Variants in EXOC2 observed in about 807,000 individuals in gnomAD.
EXOC2 encodes SEC5-like 1.
In EXOC2, 70 loss-of-function variants were observed where a neutral mutation model predicts 131.8. That is an observed-to-expected ratio of 0.53 (90% CI 0.44 to 0.65). The LOEUF is 0.65. EXOC2 is among the 30% of genes least tolerant of loss of function. The pLI, the probability that EXOC2 is intolerant of heterozygous loss-of-function variation, is 0.00. For missense variants in EXOC2, 923 were observed against 1,108.6 expected (o/e 0.83, Z 2.38); for synonymous variants, 411 against 398.4 (o/e 1.03, Z -0.38).
intron 6 of EXOC2, among the ~76,000 whole-genome samples, chr6:614,381 ACT>A (rs1760877951): frequency 6.6e-6 from 1 of 152,200 alleles, no homozygotes; most frequent in Admixed American, 6.5e-5. Flanking sequence ...TGTGTCACGG[ACT>A]GTTACCAGGA....
At chr6:656,665 C>T (rs1208544950) in intron 1 of EXOC2, 1 of 1,606,672 alleles carries the variant, frequency 6.2e-7, no homozygotes. Flanking sequence ...GCGCCCGCTG[C>T]GCTTCTCGCC....
intron 11 of EXOC2, among the ~76,000 whole-genome samples, chr6:587,486 C>T (rs932315516): frequency 2.0e-5 from 3 of 152,284 alleles, no homozygotes; most frequent in Non-Finnish European, 2.9e-5. Context: ...CCTCATGGTC[C>T]GCCAGCCTCA....
At chr6:535,226 C>T (rs1365592147) in intron 22 of EXOC2, among the ~76,000 whole-genome samples, 2 of 152,076 alleles carry the variant, frequency 1.3e-5, no homozygotes, top group East Asian at 3.9e-4. Flanking sequence ...ATTAGCCAGG[C>T]ATGGTGGTGC....
rs140872286 is a variant in EXOC2, at chr6:592,699, T to C, written c.1074-112A>G. On this transcript the variant is annotated intron_variant, in intron 10 of 27. Coordinates refer to ENST00000230449, the MANE Select transcript of EXOC2 (RefSeq NM_018303.6). ...ATTAGTCTTGTGCCCTGTCAAATAT[T>C]AGTCTTTAATATTTAATTCTCAATG... 65 of 695,150 alleles carry C rather than the reference T, an allele frequency of 9.4e-5. No homozygotes were observed. In the Middle Eastern group the frequency reaches 1.5e-3, roughly 16 times the overall value. 43.1% of individuals were successfully genotyped at this position (695,150 alleles called of 1,614,324 possible).
intron 1 of EXOC2, among the ~76,000 whole-genome samples, chr6:653,247 A>C (rs1762913275): frequency 6.6e-6 from 1 of 152,212 alleles, no homozygotes; most frequent in African/African-American, 2.4e-5. Flanking sequence ...CAAGTCTCTC[A>C]CTGTAAATCA....
chr6:672,843 T>C (rs1435715598), intron 1 of EXOC2, among the ~76,000 whole-genome samples: 1 of 148,810 alleles, frequency 6.7e-6, no homozygotes. Flanking sequence ...GAGCTTTGTT[T>C]TCAATATTTA....
intron 1 of EXOC2, among the ~76,000 whole-genome samples, chr6:660,960 A>G (rs149333039): frequency 0.01 from 1,598 of 152,328 alleles, 28 homozygotes; most frequent in African/African-American, 0.036. Flanking sequence ...AAGAAAAAAC[A>G]ATCAAAAATT....
chr6:602,562 C>T (rs1399763455), intron 7 of EXOC2, among the ~76,000 whole-genome samples: 1 of 152,204 alleles, frequency 6.6e-6, no homozygotes, highest in African/African-American at 2.4e-5. Flanking sequence ...AGTGTCCAAC[C>T]ACAGAACAAG....
chr6:656,132 AAG>A (rs1241997167), intron 1 of EXOC2: 3 of 1,611,918 alleles, frequency 1.9e-6, no homozygotes, highest in Non-Finnish European at 2.5e-6. Flanking sequence ...TGAAATACTG[AAG>A]AGAGACATCT....
intron 4 of EXOC2, among the ~76,000 whole-genome samples, chr6:620,798 A>G (rs928776911): frequency 6.6e-6 from 1 of 152,016 alleles, no homozygotes; most frequent in African/African-American, 2.4e-5. Context: ...CGTTTGGGGG[A>G]AAAATGGCAG....
At chr6:665,567 G>A (rs1481463236) in intron 1 of EXOC2, among the ~76,000 whole-genome samples, 1 of 152,016 alleles carries the variant, frequency 6.6e-6, no homozygotes, top group Non-Finnish European at 1.5e-5. Flanking sequence ...AAGAAACTGT[G>A]GTATATATAT....
In EXOC2 at chr6:564,688, T is replaced by A. The variant is rs1757877585; in HGVS notation, c.1524A>T (p.Glu508Asp). Reference protein sequence around the residue: ...RQNDFKKMIQEVMHSLVKLTR... With the variant: ...RQNDFKKMIQDVMHSLVKLTR... ...TAAGCTTCACCAGGGAGTGCATTACTTCCTGAATCATTTTCTAGAAAACCA... is the reference window on the plus strand; with the variant it reads ...TAAGCTTCACCAGGGAGTGCATTACATCCTGAATCATTTTCTAGAAAACCA... Residue 508 changes from glutamate to aspartate, a missense_variant, in exon 15 of 28, where the codon GAA (glutamate) becomes GAT (aspartate). Transcript: ENST00000230449. 1.9e-6 allele frequency: 3 copies of A among 1,591,806 alleles called. No homozygotes were observed. The highest frequency in any genetic ancestry group is 2.6e-6 in the Non-Finnish European group (3 of 1,168,866).
At chr6:543,193 A>G (rs983004384) in intron 22 of EXOC2, among the ~76,000 whole-genome samples, 1 of 152,248 alleles carries the variant, frequency 6.6e-6, no homozygotes, top group African/African-American at 2.4e-5. Flanking sequence ...GGCAAAAACC[A>G]TCATGAGGAA....
intron 1 of EXOC2, chr6:656,648 G>A (rs770062318): frequency 1.2e-5 from 19 of 1,607,248 alleles, no homozygotes; most frequent in Middle Eastern, 3.3e-4. Flanking sequence ...GCAGCTTCAG[G>A]GAGGACGCGC....
intron 7 of EXOC2, among the ~76,000 whole-genome samples, chr6:603,003 T>A (rs1453346521): frequency 2.0e-5 from 3 of 152,240 alleles, no homozygotes; most frequent in Non-Finnish European, 4.4e-5. Context: ...TGTCTTATAA[T>A]TTCAACCATG....
chr6:562,895 T>C, intron 16 of EXOC2, 50 bp from the exon 17 acceptor site: 1 of 1,340,466 alleles, frequency 7.5e-7, no homozygotes, highest in Non-Finnish European at 1.0e-6. Context: ...TCTCACTAAA[T>C]TTTATACAGA....
intron 1 of EXOC2, among the ~76,000 whole-genome samples, chr6:655,021 A>T (rs1763007829): frequency 6.6e-6 from 1 of 152,146 alleles, no homozygotes. Flanking sequence ...CAGTGTATAA[A>T]CTTGGTTGAT....
At chr6:515,948 G>A (rs1765138697) in intron 23 of EXOC2, among the ~76,000 whole-genome samples, 1 of 152,166 alleles carries the variant, frequency 6.6e-6, no homozygotes, top group South Asian at 2.1e-4. Flanking sequence ...AAACTACCAA[G>A]GCGTATGGTG....
At chr6:629,998 G>GTC in intron 3 of EXOC2, 37 bp from the exon 4 acceptor site, 1 of 1,609,244 alleles carries the variant, frequency 6.2e-7, no homozygotes, top group Non-Finnish European at 8.5e-7. Flanking sequence ...ATAAGATGAA[G>GTC]CCTACCCCAG....
Sources: gnomAD v4.1 joint callset for allele counts (sites outside exome capture counted in the v4.1 genomes callset) on GRCh38, gnomAD v4.1.1 for gene constraint, MANE v1.5 for transcripts, NCBI Gene and HGNC (gene_info 2026-07-23, HGNC 2026-07-21) for gene names.